The following SGCD variants were observed in gnomAD, a reference collection of about 807,000 sequenced individuals.
SGCD encodes the protein delta-sarcoglycan.
In SGCD, 18 loss-of-function variants were observed where a neutral mutation model predicts 36.6. The observed-to-expected ratio is 0.49, with a 90% confidence interval of 0.34 to 0.73. The LOEUF is 0.73. Ranked by LOEUF, SGCD falls within the 30% of genes least tolerant of loss-of-function variation. The pLI, the probability that SGCD is intolerant of heterozygous loss-of-function variation, is 0.01. For synonymous variants in SGCD, 133 were observed against 130.6 expected (o/e 1.02, Z -0.12); for missense variants, 387 against 346.7 (o/e 1.12, Z -0.92).
At chr5:156,594,348 A>G (rs982439878) in intron 5 of SGCD, among the ~76,000 whole-genome samples, 1 of 152,190 alleles carries the variant, frequency 6.6e-6, no homozygotes, top group Non-Finnish European at 1.5e-5. Flanking sequence ...TTCACTGAAC[A>G]AAATCCTAAT....
chr5:156,364,187 G>A (rs976190067), intron 3 of SGCD, among the ~76,000 whole-genome samples: 2 of 152,292 alleles, frequency 1.3e-5, no homozygotes, highest in South Asian at 4.1e-4. Flanking sequence ...GCAGAAGTCT[G>A]GGGGAACCTC....
intron 1 of SGCD, among the ~76,000 whole-genome samples, chr5:156,029,294 T>A (rs1581050774): frequency 6.6e-6 from 1 of 151,608 alleles, no homozygotes; most frequent in Non-Finnish European, 1.5e-5. Context: ...AGTAATAGAG[T>A]TTTATGGTTA....
chr5:156,703,455 G>A lies in SGCD; in HGVS notation c.576-54126G>A, dbSNP rs184858484. Among the ~76,000 whole-genome samples the A allele has an allele frequency of 4.6e-4, 68 of 148,378 alleles. No homozygotes were observed. In the East Asian group the frequency reaches 0.012, roughly 26 times the overall value. On this transcript the variant is annotated intron_variant, in intron 7 of 8. Coordinates refer to ENST00000337851, the MANE Select transcript of SGCD (RefSeq NM_000337.6). ...TCCTTCCTACCACACGTTTATCTAAGTCATTCAACACTGGCATTTGGAAAG... is the reference window on the plus strand; with the variant it reads ...TCCTTCCTACCACACGTTTATCTAAATCATTCAACACTGGCATTTGGAAAG...
intron 3 of SGCD, among the ~76,000 whole-genome samples, chr5:156,175,736 C>T (rs1304171049): frequency 6.6e-6 from 1 of 152,118 alleles, no homozygotes; most frequent in Non-Finnish European, 1.5e-5. Flanking sequence ...AAGTCATGGG[C>T]TTTTAGAAAG....
the SGCD span, among the ~76,000 whole-genome samples, chr5:155,808,462 C>G: frequency 6.6e-6 from 1 of 152,162 alleles, no homozygotes; most frequent in Non-Finnish European, 1.5e-5. Context: ...CACCAGCTCT[C>G]TCTGCTGTTG....
intron 3 of SGCD, among the ~76,000 whole-genome samples, chr5:156,200,245 C>G (rs1313920999): frequency 1.3e-5 from 2 of 152,006 alleles, no homozygotes; most frequent in East Asian, 3.9e-4. Flanking sequence ...AGAGGACCTT[C>G]TCTTCCTTGC....
At chr5:156,477,049 GAA>G (rs5872462) in intron 3 of SGCD, among the ~76,000 whole-genome samples, 5 of 123,020 alleles carry the variant, frequency 4.1e-5, no homozygotes, top group East Asian at 2.3e-4. Flanking sequence ...AAGAGAAAAA[GAA>G]AAAAAAAAAA....
intron 1 of SGCD, among the ~76,000 whole-genome samples, chr5:156,019,382 T>A (rs1447329957): frequency 2.6e-5 from 4 of 152,200 alleles, no homozygotes; most frequent in Non-Finnish European, 5.9e-5. Context: ...ACTTTTGATA[T>A]TCTTCTTTCC....
intron 1 of SGCD, among the ~76,000 whole-genome samples, chr5:155,907,321 C>G (rs1756539554): frequency 6.6e-6 from 1 of 152,058 alleles, no homozygotes; most frequent in South Asian, 2.1e-4. Context: ...GCTTTCATAC[C>G]TGCTAACACA....
At chr5:156,005,828 A>C (rs939706098) in intron 1 of SGCD, among the ~76,000 whole-genome samples, 3 of 152,100 alleles carry the variant, frequency 2.0e-5, no homozygotes, top group Non-Finnish European at 4.4e-5. Context: ...TCTTGCGTTC[A>C]CAGTCCCACA....
At chr5:156,279,289 G>A (rs767194975) in intron 3 of SGCD, among the ~76,000 whole-genome samples, 2 of 152,120 alleles carry the variant, frequency 1.3e-5, no homozygotes, top group African/African-American at 4.8e-5. Flanking sequence ...AAATTTACAT[G>A]TGACAAATCA....
At chr5:156,655,270 A>G (rs193214255) in intron 7 of SGCD, among the ~76,000 whole-genome samples, 9 of 152,252 alleles carry the variant, frequency 5.9e-5, no homozygotes, top group Admixed American at 1.3e-4. Flanking sequence ...ATTGAGTAAC[A>G]TTTGTTTTCC....
Position 156,437,287 on chromosome 5 carries a change from G to C in SGCD, c.193-71314G>C, listed in dbSNP as rs114963881. Among the ~76,000 whole-genome samples the C allele has an allele frequency of 6.5e-3, 995 of 152,148 alleles. 11 individuals are homozygous for C. Among genetic ancestry groups the C allele is most frequent in the African/African-American group, 0.022 (933 of 41,498 alleles). On this transcript the variant is annotated intron_variant, in intron 3 of 8. Coordinates refer to ENST00000337851, the MANE Select transcript of SGCD (RefSeq NM_000337.6). Reference sequence around the variant, plus strand: ...TGCAACTTCCTCATTATTTTAGTTGGATTCTGTCATCTTCCCATTATACTT... The same window carrying C: ...TGCAACTTCCTCATTATTTTAGTTGCATTCTGTCATCTTCCCATTATACTT...
chr5:155,819,487 C>A, the SGCD span, among the ~76,000 whole-genome samples: 13,856 of 152,174 alleles, frequency 0.091, 814 homozygotes, highest in South Asian at 0.2. Context: ...ATAACAAAAA[C>A]CACTTACATA....
chr5:156,394,659 A>T lies in SGCD; in HGVS notation c.192+49982A>T, dbSNP rs564134700. On this transcript the variant is annotated intron_variant, in intron 3 of 8. Transcript: ENST00000337851. Reference sequence around the variant, plus strand: ...AAAACTAATATGTTAATGTGATATAAAGTATTTTCTTTGACGTAAGTGTCT... The same window carrying T: ...AAAACTAATATGTTAATGTGATATATAGTATTTTCTTTGACGTAAGTGTCT... 3.3e-5 allele frequency among the ~76,000 whole-genome samples: 5 copies of T among 152,326 alleles called. No individual in the cohort carries two copies. In the South Asian group the frequency reaches 1.0e-3, roughly 32 times the overall value.
rs117435888 is a variant in SGCD at position 156,380,000 on chromosome 5, G to A, written c.192+35323G>A. On this transcript the variant is annotated intron_variant, in intron 3 of 8. Transcript: ENST00000337851. ...TGTTTAGCATTATTTTCCTGTGTTC[G>A]AATAAGAACAAAGAATTCCAAAGTG... Among the ~76,000 whole-genome samples the A allele has an allele frequency of 3.7e-3, 567 of 152,094 alleles. 20 individuals carry two copies. In the East Asian group the frequency reaches 0.09, roughly 24 times the overall value.
intron 7 of SGCD, among the ~76,000 whole-genome samples, chr5:156,753,143 A>G (rs1431990775): frequency 6.6e-6 from 1 of 152,138 alleles, no homozygotes. Flanking sequence ...CTAGGGGTGG[A>G]CCCAGCACTG....
intron 1 of SGCD, among the ~76,000 whole-genome samples, chr5:156,076,714 G>A (rs1007501044): frequency 6.6e-6 from 1 of 151,996 alleles, no homozygotes; most frequent in African/African-American, 2.4e-5. Flanking sequence ...TCATATTTTT[G>A]TAGGTTTCAC....
the SGCD span, among the ~76,000 whole-genome samples, chr5:155,756,110 T>G: frequency 6.6e-6 from 1 of 152,222 alleles, no homozygotes; most frequent in Non-Finnish European, 1.5e-5. Flanking sequence ...ACCAGCTGCA[T>G]GACCTTGTGA....
Sources: gnomAD v4.1 joint callset for allele counts (sites outside exome capture counted in the v4.1 genomes callset) on GRCh38, gnomAD v4.1.1 for gene constraint, MANE v1.5 for transcripts, NCBI Gene and HGNC (gene_info 2026-07-23, HGNC 2026-07-21) for gene names.